DENND1B: variants seen among roughly 807,000 people sequenced by gnomAD.
DENND1B encodes DENN domain-containing protein 1B.
In DENND1B, 59 loss-of-function variants were observed where a neutral mutation model predicts 90.1. The ratio of observed to expected loss-of-function variants is 0.65; its 90% confidence interval spans 0.53 to 0.81. DENND1B has a LOEUF of 0.81. Ranked by LOEUF, DENND1B falls within the 40% of genes least tolerant of loss-of-function variation. The pLI is 0.00. For missense variants in DENND1B, 862 were observed against 912.6 expected (o/e 0.94, Z 0.71); for synonymous variants, 337 against 324.6 (o/e 1.04, Z -0.41).
chr1:197,698,573 T>C (rs190537081), intron 3 of DENND1B, among the ~76,000 whole-genome samples: 15 of 136,098 alleles, frequency 1.1e-4, no homozygotes, highest in South Asian at 7.4e-4. Context: ...CAGAGAAGAA[T>C]TGAAGGAGAT....
intron 10 of DENND1B, among the ~76,000 whole-genome samples, chr1:197,627,978 G>C (rs2125888644): frequency 6.6e-6 from 1 of 152,172 alleles, no homozygotes; most frequent in South Asian, 2.1e-4. Flanking sequence ...GGGATGTGAA[G>C]GACCTCTTCA....
intron 16 of DENND1B, chr1:197,552,575 TAC>T: frequency 1.0e-6 from 1 of 986,828 alleles, no homozygotes; most frequent in South Asian, 4.7e-5. Flanking sequence ...ATAATAATAA[TAC>T]AGTTACTTAA....
chr1:197,523,426 T>C (rs1468978261), intron 20 of DENND1B, among the ~76,000 whole-genome samples: 4 of 152,106 alleles, frequency 2.6e-5, no homozygotes, highest in African/African-American at 7.2e-5. Flanking sequence ...GCTAAGAAAG[T>C]CCCACTCCTA....
intron 15 of DENND1B, among the ~76,000 whole-genome samples, chr1:197,579,548 A>G (rs1187362212): frequency 2.6e-5 from 4 of 152,084 alleles, no homozygotes; most frequent in South Asian, 4.1e-4. Flanking sequence ...GACTTTATAA[A>G]TTTGTAAATT....
intron 15 of DENND1B, among the ~76,000 whole-genome samples, chr1:197,566,498 C>A (rs1672682983): frequency 6.6e-6 from 1 of 151,936 alleles, no homozygotes; most frequent in Admixed American, 6.6e-5. Context: ...ATCTACAACT[C>A]CTATAATTTT....
intron 7 of DENND1B, among the ~76,000 whole-genome samples, chr1:197,649,322 A>C (rs1652849569): frequency 6.6e-6 from 1 of 152,182 alleles, no homozygotes; most frequent in Non-Finnish European, 1.5e-5. Context: ...ATATAGCTTA[A>C]GTAACTTTCA....
chr1:197,584,939 C>T (rs778376028), intron 14 of DENND1B, among the ~76,000 whole-genome samples: 3 of 152,186 alleles, frequency 2.0e-5, no homozygotes, highest in African/African-American at 4.8e-5. Flanking sequence ...ACCCAAAAAG[C>T]TGGAATTCTA....
intron 2 of DENND1B, among the ~76,000 whole-genome samples, chr1:197,732,211 A>C (rs1027085642): frequency 1.3e-5 from 2 of 152,302 alleles, no homozygotes; most frequent in South Asian, 4.1e-4. Context: ...GTAATTCCTT[A>C]AGAAATTTTT....
chr1:197,651,990 T>C (rs1174937914), intron 7 of DENND1B, among the ~76,000 whole-genome samples: 3 of 152,122 alleles, frequency 2.0e-5, no homozygotes, highest in Admixed American at 6.6e-5. Flanking sequence ...AATATCCTCA[T>C]AGATTTGGTT....
In DENND1B at chr1:197,640,841, G is replaced by A. The variant is rs1278804993; in HGVS notation, c.672+1870C>T. 4.6e-5 allele frequency among the ~76,000 whole-genome samples: 7 copies of A among 152,124 alleles called. 1 individual carries two copies. The highest frequency in any genetic ancestry group is 1.9e-4 in the East Asian group (1 of 5,180). On this transcript the variant is annotated intron_variant, in intron 10 of 22. Coordinates refer to ENST00000620048, the MANE Select transcript of DENND1B (RefSeq NM_001195215.2). The stretch of plus-strand genomic sequence containing the variant: ...ACCTCACTGAGTTGGGCACAGCGGC[G>A]TGTGCCTATAGTCCCAGCTACTTGG...
Position 197,536,675 on chromosome 1 carries a change from G to A in DENND1B, c.1515+3289C>T, listed in dbSNP as rs758534323. Among the ~76,000 whole-genome samples the A allele has an allele frequency of 1.6e-3, 238 of 152,120 alleles. 1 individual carries two copies. Among genetic ancestry groups the A allele is most frequent in the Non-Finnish European group, 1.8e-3 (124 of 67,986 alleles). On this transcript the variant is annotated intron_variant, in intron 20 of 22. Transcript: ENST00000620048. ...TCAAATTTCAATTACAGAAAAAAATGCAAGCAAAATCCTAAATTATAATAG... is the reference window on the plus strand; with the variant it reads ...TCAAATTTCAATTACAGAAAAAAATACAAGCAAAATCCTAAATTATAATAG...
intron 16 of DENND1B, chr1:197,552,794 G>A: frequency 7.6e-7 from 1 of 1,310,576 alleles, no homozygotes; most frequent in Non-Finnish European, 9.6e-7. Context: ...AGATTATCGA[G>A]GCCAACAGCT....
At chr1:197,691,503 T>C (rs1227050157) in intron 3 of DENND1B, among the ~76,000 whole-genome samples, 1 of 152,000 alleles carries the variant, frequency 6.6e-6, no homozygotes, top group Non-Finnish European at 1.5e-5. Flanking sequence ...GGCACCCTTG[T>C]ATACTGTTGG....
intron 2 of DENND1B, among the ~76,000 whole-genome samples, chr1:197,768,129 T>G (rs1481997132): frequency 1.3e-5 from 2 of 152,182 alleles, no homozygotes; most frequent in Non-Finnish European, 2.9e-5. Context: ...CTGCAGCTGC[T>G]GCTGCTGCTC....
intron 5 of DENND1B, among the ~76,000 whole-genome samples, chr1:197,671,664 C>A (rs1655517220): frequency 6.6e-6 from 1 of 152,126 alleles, no homozygotes; most frequent in African/African-American, 2.4e-5. Context: ...TGTCTTAAAG[C>A]AGCAGTTCAC....
At chr1:197,636,219 A>T (rs930045950) in intron 10 of DENND1B, among the ~76,000 whole-genome samples, 4 of 152,166 alleles carry the variant, frequency 2.6e-5, no homozygotes, top group Non-Finnish European at 5.9e-5. Flanking sequence ...GTCCAAACAG[A>T]AGATAAGTGC....
chr1:197,611,847 C>T (rs1012732616), intron 12 of DENND1B, 84 bp downstream of exon 12: 103 of 1,209,266 alleles, frequency 8.5e-5, no homozygotes, highest in Admixed American at 3.7e-5. Context: ...TCCTATACCA[C>T]TGATATTTCT....
chr1:197,607,271 G>A, intron 12 of DENND1B, 97 bp from the exon 13 acceptor site: 1 of 778,504 alleles, frequency 1.3e-6, no homozygotes, highest in Non-Finnish European at 1.9e-6. Flanking sequence ...AATGCATTAG[G>A]CTTGGGAAAA....
chr1:197,564,554 T>C (rs1672463312), intron 15 of DENND1B, among the ~76,000 whole-genome samples: 1 of 151,912 alleles, frequency 6.6e-6, no homozygotes, highest in Non-Finnish European at 1.5e-5. Context: ...AAACCTAATG[T>C]TTATATGCAC....
Sources: gnomAD v4.1 joint callset for allele counts (sites outside exome capture counted in the v4.1 genomes callset) on GRCh38, gnomAD v4.1.1 for gene constraint, MANE v1.5 for transcripts, NCBI Gene and HGNC (gene_info 2026-07-23, HGNC 2026-07-21) for gene names.